Variants in FREM2 observed in about 807,000 individuals in gnomAD.
The protein encoded by FREM2 is FRAS1-related extracellular matrix protein 2.
A neutral mutation model predicts 219.9 loss-of-function variants in FREM2; 119 were observed. The observed-to-expected ratio is 0.54, with a 90% CI of 0.47 to 0.63. The LOEUF (loss-of-function observed/expected upper bound fraction) is 0.63, where lower values mean the gene tolerates loss of function less well. FREM2 is among the 30% of genes least tolerant of loss of function. FREM2 has a pLI of 0.00. For synonymous variants in FREM2, 1,562 were observed against 1,522.8 expected, an observed-to-expected ratio of 1.03 and a Z score of -0.60; for missense variants, 4,030 against 3,993.6, an observed-to-expected ratio of 1.01 and a Z score of -0.25.
intron 2 of FREM2, among the ~76,000 whole-genome samples, chr13:38,745,076 T>A (rs1053579458): frequency 5.9e-5 from 9 of 152,178 alleles, no homozygotes; most frequent in Non-Finnish European, 1.3e-4. Flanking sequence ...TTAGGAAGAA[T>A]GATCCAATAA....
intron 2 of FREM2, among the ~76,000 whole-genome samples, chr13:38,708,417 G>A (rs767425964): frequency 5.3e-5 from 8 of 152,136 alleles, no homozygotes; most frequent in Non-Finnish European, 7.3e-5. Flanking sequence ...ATCTTGGGAG[G>A]CTAAGGAGGG....
At chr13:38,756,821 G>A (rs1047460136) in intron 2 of FREM2, among the ~76,000 whole-genome samples, 2 of 151,224 alleles carry the variant, frequency 1.3e-5, no homozygotes, top group Admixed American at 6.6e-5. Context: ...GATTACCGGC[G>A]TGAACCACCA....
chr13:38,844,828 C>T (rs1392669322), intron 6 of FREM2, among the ~76,000 whole-genome samples: 2 of 152,202 alleles, frequency 1.3e-5, no homozygotes, highest in African/African-American at 4.8e-5. Flanking sequence ...TTTTAAAAGA[C>T]TTACAGATGT....
At position 38,689,398 on chromosome 13, in the gene FREM2, G is replaced by A; in HGVS notation, c.2054G>A (p.Gly685Glu). Residue 685 changes from glycine to glutamate, a missense_variant, in exon 1 of 24, where the codon GGG becomes GAG. Physicochemically the swap from Gly to Glu is moderately conservative, Grantham distance 98 (BLOSUM62 -2). Coordinates refer to ENST00000280481, the MANE Select transcript of FREM2 (RefSeq NM_207361.6). ...AACCATGACCCTCCTAATCAGTCCG[G>A]GCTACAGCGGTTTGTGATTCGTATC... is the stretch of plus-strand genomic sequence containing the variant. ...QDNHDPPNQS[G>E]LQRFVIRIHP... 6.2e-7 allele frequency: 1 copy of A among 1,613,972 alleles called. No homozygotes were observed. Among genetic ancestry groups the A allele is most frequent in the Non-Finnish European group, 8.5e-7 (1 of 1,179,964 alleles).
At chr13:38,723,101 G>A (rs1226206671) in intron 2 of FREM2, among the ~76,000 whole-genome samples, 1 of 152,004 alleles carries the variant, frequency 6.6e-6, no homozygotes, top group African/African-American at 2.4e-5. Context: ...TGCATGTGGT[G>A]GTGCCCACCT....
intron 2 of FREM2, among the ~76,000 whole-genome samples, chr13:38,699,997 TG>T (rs1870279572): frequency 6.6e-6 from 1 of 152,084 alleles, no homozygotes; most frequent in Non-Finnish European, 1.5e-5. Context: ...CAGGGCACAA[TG>T]GCATAAAATT....
intron 6 of FREM2, among the ~76,000 whole-genome samples, chr13:38,785,514 C>A (rs977274428): frequency 6.6e-6 from 1 of 152,176 alleles, no homozygotes; most frequent in African/African-American, 2.4e-5. Context: ...GGCTGGTTTT[C>A]TTTCCCCCTT....
At chr13:38,756,138 A>C (rs1294022002) in intron 2 of FREM2, among the ~76,000 whole-genome samples, 1 of 152,236 alleles carries the variant, frequency 6.6e-6, no homozygotes, top group African/African-American at 2.4e-5. Context: ...CCTGTGCTCC[A>C]TTATTTTTGA....
chr13:38,830,749 C>G (rs1876475195), intron 6 of FREM2, among the ~76,000 whole-genome samples: 1 of 146,824 alleles, frequency 6.8e-6, no homozygotes, highest in Non-Finnish European at 1.5e-5. Flanking sequence ...TCAATGCTGC[C>G]AAGCATTGAA....
chr13:38,692,094 A>G lies in FREM2; in HGVS notation c.4750A>G (p.Asn1584Asp). The change falls in exon 1 of 24, where the codon AAC (asparagine) becomes GAC (aspartate). Residue 1584 changes from asparagine (N) to aspartate (D), a missense_variant. Physicochemically the swap from Asn to Asp is conservative, Grantham distance 23. This residue lies in a region of FREM2 where 3,102 missense variants were observed against 2,950.7 expected (regional missense o/e 1.05). Transcript: ENST00000280481. Reference protein sequence around the residue: ...QVPIHGHLLFNNTRPVMVFTK... With the variant: ...QVPIHGHLLFDNTRPVMVFTK... ...GCCTATTCATGGCCATCTCCTATTC[A>G]ACAATACCAGACCTGTCATGGTTTT... 2 of 1,614,172 alleles carry G rather than the reference A, an allele frequency of 1.2e-6. No homozygotes were observed. The highest frequency in any genetic ancestry group is 8.5e-7 in the Non-Finnish European group (1 of 1,180,016).
intron 2 of FREM2, among the ~76,000 whole-genome samples, chr13:38,724,744 A>G (rs1409907963): frequency 1.3e-5 from 2 of 152,202 alleles, no homozygotes; most frequent in Non-Finnish European, 2.9e-5. Context: ...CCTTAGCCTC[A>G]TTCTCCAGAG....
At chr13:38,721,256 G>GA (rs1439970295) in intron 2 of FREM2, among the ~76,000 whole-genome samples, 1 of 152,154 alleles carries the variant, frequency 6.6e-6, no homozygotes, top group East Asian at 1.9e-4. Flanking sequence ...CAGTGACATT[G>GA]AAACTAAGTC....
chr13:38,687,167 C>G lies in FREM2; in HGVS notation c.-178C>G. 1 of 847,332 alleles carries G rather than the reference C, an allele frequency of 1.2e-6. No individual in the cohort carries two copies. The highest frequency in any genetic ancestry group is 1.8e-6 in the Non-Finnish European group (1 of 548,450). 52.5% of individuals were successfully genotyped at this position (847,332 alleles called of 1,614,324 possible). On this transcript the variant is annotated 5_prime_UTR_variant, in exon 1 of 24. Transcript: ENST00000280481. ...AGGCTTCGGCTCCTCGGCTGCGGCT[C>G]CAGCCCGGACGGCGCCGCGCAACTT...
intron 21 of FREM2, among the ~76,000 whole-genome samples, 165 bp downstream of exon 21, chr13:38,877,408 TG>T (rs1434793364): frequency 1.3e-5 from 2 of 152,188 alleles, no homozygotes; most frequent in Non-Finnish European, 2.9e-5. Flanking sequence ...TCGTTGCGAT[TG>T]GGTATATGTA....
In FREM2 at chr13:38,858,050, C is replaced by T. The variant is rs201461423; in HGVS notation, c.7215+17C>T. ...TGTATCACAGTGAGTAGGAGATTCA[C>T]AAAATTGAGGAAAATTGTAAGATAA... On this transcript the variant is annotated intron_variant, in intron 13 of 23. Coordinates refer to ENST00000280481, the MANE Select transcript of FREM2 (RefSeq NM_207361.6). The T allele has an allele frequency of 5.6e-6, 9 of 1,601,780 alleles. No individual in the cohort carries two copies. In the African/African-American group the frequency reaches 9.4e-5, roughly 17 times the overall value.
intron 6 of FREM2, among the ~76,000 whole-genome samples, chr13:38,807,982 C>G (rs896440210): frequency 6.6e-6 from 1 of 151,934 alleles, no homozygotes; most frequent in Non-Finnish European, 1.5e-5. Context: ...AAATATAAGG[C>G]TGTTTTTTCT....
rs893520344 is a variant in FREM2 at position 38,752,153 on chromosome 13, C to T, written c.5264-12151C>T. Reference sequence around the variant, plus strand: ...TTGATGCTGTAATACTCCATCCTCTCTTTGTCCCTGTCTCTGTCTGTCTCC... The same window carrying T: ...TTGATGCTGTAATACTCCATCCTCTTTTTGTCCCTGTCTCTGTCTGTCTCC... On this transcript the variant is annotated intron_variant, in intron 2 of 23. Transcript: ENST00000280481. 3.9e-5 allele frequency among the ~76,000 whole-genome samples: 6 copies of T among 152,252 alleles called. No homozygotes were observed. In the East Asian group the frequency reaches 1.2e-3, roughly 29 times the overall value.
rs150487755 is a variant in FREM2 at position 38,850,207 on chromosome 13, T to C, written c.6549T>C (p.Thr2183=). 10 of 1,613,816 alleles carry C rather than the reference T, an allele frequency of 6.2e-6. No homozygotes were observed. Among genetic ancestry groups the C allele is most frequent in the Non-Finnish European group, 8.5e-6 (10 of 1,179,860 alleles). ...VMMDFEERPN[T]DTSIITFLPG... ...TGGACTTTGAAGAACGCCCAAACACTGATACCTCCATCATCACATTCCTCC... is the reference window on the plus strand; with the variant it reads ...TGGACTTTGAAGAACGCCCAAACACCGATACCTCCATCATCACATTCCTCC... The change falls in exon 9 of 24, where the codon ACT becomes ACC. Residue 2183 remains threonine, a synonymous_variant. Transcript: ENST00000280481.
At chr13:38,847,130 T>G (rs953340770) in intron 7 of FREM2, among the ~76,000 whole-genome samples, 8 of 152,174 alleles carry the variant, frequency 5.3e-5, no homozygotes, top group Admixed American at 1.3e-4. Context: ...GTTGGCTGTC[T>G]CCTTATTTTA....
Sources: gnomAD v4.1 joint callset for allele counts (sites outside exome capture counted in the v4.1 genomes callset) on GRCh38, gnomAD v4.1.1 for gene constraint, gnomAD v4.1.1 regional missense constraint, MANE v1.5 for transcripts, NCBI Gene and HGNC (gene_info 2026-07-23, HGNC 2026-07-21) for gene names.